BAZ1B: variants seen among roughly 807,000 people sequenced by gnomAD.
The protein encoded by BAZ1B is tyrosine-protein kinase BAZ1B.
In BAZ1B, 22 loss-of-function variants were observed where a neutral mutation model predicts 153.8. The ratio of observed to expected loss-of-function variants is 0.14; its 90% CI spans 0.10 to 0.20. The LOEUF is 0.20. BAZ1B is among the 10% of genes least tolerant of loss of function. The pLI is 1.00. For synonymous variants in BAZ1B, 676 were observed against 633.4 expected (o/e 1.07, Z -1.01); for missense variants, 1,325 against 1,799.3 (o/e 0.74, Z 4.77).
chr7:73,465,671 T>C lies in BAZ1B; in HGVS notation c.2973-134A>G, dbSNP rs371937220. The C allele has an allele frequency of 7.8e-4, 403 of 517,392 alleles. 4 individuals carry two copies. In the East Asian group the frequency reaches 8.9e-3, roughly 11 times the overall value. 32.1% of individuals were successfully genotyped at this position (517,392 alleles called of 1,614,324 possible). ...CCAAATGTGTTCACAATCTACTATC[T>C]AGAAGTAGAATAAGTAATTTACTAT... On this transcript the variant is annotated intron_variant, in intron 10 of 19. Transcript: ENST00000339594.
chr7:73,508,191 G>A (rs1208919497), intron 3 of BAZ1B, 136 bp downstream of exon 3: 26 of 923,978 alleles, frequency 2.8e-5, no homozygotes, highest in Non-Finnish European at 3.6e-5. Context: ...AAGTATTAAC[G>A]TAAAGTATTA....
chr7:73,442,324 T>G lies in BAZ1B; in HGVS notation c.4324A>C (p.Lys1442Gln). Reference protein sequence around the residue: ...TEQCLVALLHKHLPGHPYVRR... With the variant: ...TEQCLVALLHQHLPGHPYVRR... ...ACATATGGGTGGCCAGGAAGGTGTT[T>G]ATGCAACAGAGCCACTAGACACTGT... Residue 1442 changes from lysine to glutamine, a missense_variant, in exon 19 of 20, where the codon AAA becomes CAA. This residue lies in a region of BAZ1B where 271 missense variants were observed against 337.2 expected (regional missense o/e 0.80). Coordinates refer to ENST00000339594, the MANE Select transcript of BAZ1B (RefSeq NM_032408.4). 1 of 1,614,182 alleles carries G rather than the reference T, an allele frequency of 6.2e-7. No individual in the cohort carries two copies.
At chr7:73,514,521 G>T (rs1229560792) in intron 1 of BAZ1B, among the ~76,000 whole-genome samples, 1 of 140,562 alleles carries the variant, frequency 7.1e-6, no homozygotes, top group Non-Finnish European at 1.5e-5. Context: ...CAACAAGAGT[G>T]AAACTCAGTC....
At chr7:73,502,094 T>C (rs1372941843) in intron 3 of BAZ1B, among the ~76,000 whole-genome samples, 1 of 151,994 alleles carries the variant, frequency 6.6e-6, no homozygotes, top group African/African-American at 2.4e-5. Context: ...TTTCACTATG[T>C]TGGCCAGGCT....
intron 17 of BAZ1B, among the ~76,000 whole-genome samples, chr7:73,443,464 A>T (rs922603256): frequency 6.6e-6 from 1 of 152,214 alleles, no homozygotes; most frequent in Admixed American, 6.5e-5. Context: ...ATGATCTCCC[A>T]AATGGCCTGC....
At chr7:73,499,576 C>T (rs1396214905) in intron 3 of BAZ1B, among the ~76,000 whole-genome samples, 18 of 152,136 alleles carry the variant, frequency 1.2e-4, no homozygotes, top group African/African-American at 4.3e-4. Flanking sequence ...ATGGCGTGTT[C>T]CCATAGTCTT....
rs373674463 is a variant in BAZ1B, at chr7:73,442,454, G to A, written c.4194C>T (p.Tyr1398=). ...TVQNKCSCGS[Y]RSVQEFLTDM... is the part of the protein sequence containing the mutation. ...CAGTAAGAAACTCCTGCACAGAGCG[G>A]TAGCTCCCACAGGAACATTTGTTCT... Residue 1398 remains tyrosine (Y), a synonymous_variant, in exon 19 of 20, where the codon TAC becomes TAT. Coordinates refer to ENST00000339594, the MANE Select transcript of BAZ1B (RefSeq NM_032408.4). The A allele has an allele frequency of 3.2e-5, 51 of 1,614,128 alleles. No individual in the cohort carries two copies. Among genetic ancestry groups the A allele is most frequent in the Non-Finnish European group, 4.2e-5 (50 of 1,180,052 alleles).
intron 19 of BAZ1B, 24 bp downstream of exon 19, chr7:73,442,136 TCCCTCCCACCCTCCCTAGCTG>T: frequency 1.7e-6 from 1 of 573,484 alleles, no homozygotes; most frequent in Non-Finnish European, 3.2e-6. Context: ...CTCGCTCGCC[TCCCTCCCACCCTCCCTAGCTG>T]TCCCCCCACC....
intron 4 of BAZ1B, among the ~76,000 whole-genome samples, chr7:73,495,237 C>G (rs186585537): frequency 6.6e-6 from 1 of 152,142 alleles, no homozygotes; most frequent in South Asian, 2.1e-4. Flanking sequence ...GAGCCAAGAT[C>G]GTGCCACTGC....
At chr7:73,467,433 A>G (rs1215811005) in intron 9 of BAZ1B, among the ~76,000 whole-genome samples, 1 of 151,990 alleles carries the variant, frequency 6.6e-6, no homozygotes, top group Non-Finnish European at 1.5e-5. Flanking sequence ...GCAGTGGCGC[A>G]ATCTTGGCTC....
intron 1 of BAZ1B, among the ~76,000 whole-genome samples, chr7:73,521,285 G>A (rs1791027965): frequency 6.6e-6 from 1 of 151,880 alleles, no homozygotes. Context: ...TTCATCCCCG[G>A]CCTAAAGTCC....
chr7:73,496,445 G>A (rs948877767), intron 4 of BAZ1B, among the ~76,000 whole-genome samples: 7 of 152,160 alleles, frequency 4.6e-5, no homozygotes, highest in African/African-American at 1.7e-4. Context: ...TAGAATGGGA[G>A]ACAGACAACA....
rs868986326 is a variant in BAZ1B, at chr7:73,477,701, C to T, written c.1760G>A (p.Gly587Asp). 1.2e-6 allele frequency: 2 copies of T among 1,614,154 alleles called. No individual in the cohort carries two copies. Among genetic ancestry groups the T allele is most frequent in the Non-Finnish European group, 1.7e-6 (2 of 1,180,028 alleles). The change falls in exon 7 of 20, where the codon GGC (glycine) becomes GAC (aspartate). Residue 587 changes from glycine (G) to aspartate (D), a missense_variant. Gly to Asp is a moderately conservative substitution (Grantham distance 94). Around this residue, in one of 9 missense-constraint regions of BAZ1B, gnomAD observed 154 missense variants for 266.3 expected, o/e 0.58. Coordinates refer to ENST00000339594, the MANE Select transcript of BAZ1B (RefSeq NM_032408.4). The surrounding 1 kb of genome is among the most constrained non-coding windows in gnomAD (Gnocchi z 5.6). ...CAATCTGAATGCTGGAAGGTTTTTG[C>T]CAGTTAACTCTTGGTCCTCATACCG... Reference protein sequence around the residue: ...QKRYEDQELTGKNLPAFRLVD... With the variant: ...QKRYEDQELTDKNLPAFRLVD...
chr7:73,499,335 T>TAA (rs200011936), intron 3 of BAZ1B, among the ~76,000 whole-genome samples: 1 of 151,810 alleles, frequency 6.6e-6, no homozygotes, highest in South Asian at 2.1e-4. Context: ...GCCTACATTT[T>TAA]AAAAAAAAGA....
intron 3 of BAZ1B, among the ~76,000 whole-genome samples, chr7:73,506,246 C>G (rs1016062129): frequency 5.3e-5 from 8 of 152,076 alleles, no homozygotes; most frequent in Non-Finnish European, 7.4e-5. Flanking sequence ...TGCCTGTAAT[C>G]CCAGCACTCT....
chr7:73,503,195 A>G (rs1020539755), intron 3 of BAZ1B, among the ~76,000 whole-genome samples: 4 of 152,184 alleles, frequency 2.6e-5, no homozygotes, highest in African/African-American at 9.7e-5. Flanking sequence ...TATATGTGCT[A>G]TTTACACTAT....
chr7:73,460,651 AT>A (rs1419097508), intron 12 of BAZ1B, among the ~76,000 whole-genome samples: 2 of 152,112 alleles, frequency 1.3e-5, no homozygotes, highest in Non-Finnish European at 2.9e-5. Context: ...CGCCTGGCTA[AT>A]TTTTTAAATT....
intron 12 of BAZ1B, among the ~76,000 whole-genome samples, chr7:73,460,802 T>A (rs781786518): frequency 6.6e-6 from 1 of 152,174 alleles, no homozygotes; most frequent in Non-Finnish European, 1.5e-5. Context: ...AATCACTTCA[T>A]CAAAATCATG....
chr7:73,449,437 G>T, intron 15 of BAZ1B, 105 bp downstream of exon 15: 1 of 1,343,578 alleles, frequency 7.4e-7, no homozygotes, highest in Non-Finnish European at 9.8e-7. Flanking sequence ...CCCAAAAGAT[G>T]AACTTAAAGC....
Sources: gnomAD v4.1 joint callset for allele counts (sites outside exome capture counted in the v4.1 genomes callset) on GRCh38, gnomAD v4.1.1 for gene constraint, gnomAD v4.1.1 regional missense constraint, Gnocchi (gnomAD v3.1) non-coding constraint, MANE v1.5 for transcripts, NCBI Gene and HGNC (gene_info 2026-07-23, HGNC 2026-07-21) for gene names.